PTPRD: variants seen among roughly 807,000 people sequenced by gnomAD.
The protein encoded by PTPRD is receptor-type tyrosine-protein phosphatase delta.
Under a neutral mutation model 214.5 loss-of-function variants are expected in PTPRD, and 34 were observed. The ratio of observed to expected loss-of-function variants is 0.16; its 90% CI spans 0.12 to 0.21. PTPRD has a LOEUF of 0.21. Ranked by LOEUF, PTPRD falls within the 10% of genes least tolerant of loss-of-function variation. PTPRD has a pLI of 1.00. For synonymous variants in PTPRD, 1,128 were observed against 845.7 expected (o/e 1.33, Z -5.79); for missense variants, 2,545 against 2,398.7 (o/e 1.06, Z -1.27).
chr9:10,143,918 T>C (rs1319586343), intron 3 of PTPRD, among the ~76,000 whole-genome samples: 1 of 151,828 alleles, frequency 6.6e-6, no homozygotes, highest in African/African-American at 2.4e-5. Flanking sequence ...AGGGAGGAAG[T>C]AGGGCAAGCA....
intron 14 of PTPRD, among the ~76,000 whole-genome samples, chr9:8,597,556 G>A (rs1452799364): frequency 2.0e-5 from 3 of 151,982 alleles, no homozygotes; most frequent in Non-Finnish European, 4.4e-5. Flanking sequence ...AAAATAAAAG[G>A]AAGAAGGAAA....
intron 5 of PTPRD, chr9:9,799,439 G>C (rs113460807): frequency 4.6e-5 from 7 of 152,244 alleles, no homozygotes; most frequent in African/African-American, 1.7e-4. Flanking sequence ...GGTAGAAAGG[G>C]ACTCTAAAGG....
At chr9:9,135,402 C>T (rs1036711203) in intron 10 of PTPRD, among the ~76,000 whole-genome samples, 4 of 152,280 alleles carry the variant, frequency 2.6e-5, no homozygotes, top group Admixed American at 6.5e-5. Flanking sequence ...CAGCCCAAAT[C>T]GATGTGTGTA....
chr9:9,099,772 A>G lies in PTPRD; in HGVS notation c.-142-81037T>C, dbSNP rs549712574. On this transcript the variant is annotated intron_variant, in intron 10 of 45. Transcript: ENST00000381196. ...ATGGTTTCTATGAATAGAATTAACC[A>G]GACACCAATTATCACCTCATTGAAA... Among the ~76,000 whole-genome samples, 6 of 152,308 alleles carry G rather than the reference A, an allele frequency of 3.9e-5. No individual in the cohort carries two copies. In the South Asian group the frequency reaches 6.2e-4, roughly 16 times the overall value.
At chr9:8,766,479 T>A (rs186805508) in intron 11 of PTPRD, among the ~76,000 whole-genome samples, 10 of 152,062 alleles carry the variant, frequency 6.6e-5, no homozygotes, top group Non-Finnish European at 1.0e-4. Context: ...AATAAGTGCA[T>A]TGGAAAATGA....
chr9:10,508,237 C>G (rs978554177), intron 2 of PTPRD, among the ~76,000 whole-genome samples: 1 of 152,036 alleles, frequency 6.6e-6, no homozygotes, highest in Non-Finnish European at 1.5e-5. Flanking sequence ...AAATCAAAAC[C>G]ACTATGAGAT....
chr9:8,819,186 A>G (rs2096987823), intron 11 of PTPRD, among the ~76,000 whole-genome samples: 1 of 152,210 alleles, frequency 6.6e-6, no homozygotes. Context: ...TGTCTTGAGT[A>G]TTCCATTATT....
intron 8 of PTPRD, among the ~76,000 whole-genome samples, chr9:9,561,617 G>C (rs144562470): frequency 6.8e-4 from 103 of 152,270 alleles, no homozygotes; most frequent in African/African-American, 2.4e-3. Flanking sequence ...AGTTAGAAAT[G>C]TGCAGGGAAA....
rs567375005 is a variant in PTPRD at position 10,129,146 on chromosome 9, G to C, written c.-544-95356C>G. On this transcript the variant is annotated intron_variant, in intron 3 of 45. Transcript: ENST00000381196. ...AAGCGATTGGACCTTGCTGCTTCTT[G>C]TTTGTGTATGAATTTAAAAGCCTGC... Among the ~76,000 whole-genome samples the C allele has an allele frequency of 6.6e-5, 10 of 152,144 alleles. No individual in the cohort carries two copies. The South Asian group carries it at 2.1e-3, about 32-fold the overall frequency.
intron 2 of PTPRD, among the ~76,000 whole-genome samples, chr9:10,593,699 GACA>G (rs962589353): frequency 1.3e-5 from 2 of 151,954 alleles, no homozygotes; most frequent in East Asian, 1.9e-4. Flanking sequence ...AATTTTGGCA[GACA>G]ACATTTTTTA....
chr9:8,503,698 A>G (rs185160051), intron 23 of PTPRD, among the ~76,000 whole-genome samples: 1 of 152,270 alleles, frequency 6.6e-6, no homozygotes, highest in East Asian at 1.9e-4. Flanking sequence ...TTGTTTCTTA[A>G]TTTGTCCACA....
intron 5 of PTPRD, among the ~76,000 whole-genome samples, chr9:9,924,341 T>C (rs2083530912): frequency 2.0e-5 from 3 of 152,084 alleles, no homozygotes; most frequent in Admixed American, 1.3e-4. Context: ...TTGCTTTCTC[T>C]ATTGAACAGG....
intron 2 of PTPRD, among the ~76,000 whole-genome samples, chr9:10,393,543 C>A (rs2098112279): frequency 6.6e-6 from 1 of 151,110 alleles, no homozygotes; most frequent in African/African-American, 2.4e-5. Context: ...CTAATCCCAG[C>A]ACTTTGGGAA....
At chr9:9,775,407 A>C (rs2154485329) in intron 5 of PTPRD, among the ~76,000 whole-genome samples, 1 of 152,300 alleles carries the variant, frequency 6.6e-6, no homozygotes, top group South Asian at 2.1e-4. Context: ...TCTTTGGGCA[A>C]GTTATTTAAC....
chr9:9,176,349 A>T (rs752128216), intron 10 of PTPRD, among the ~76,000 whole-genome samples: 11 of 152,220 alleles, frequency 7.2e-5, no homozygotes, highest in Non-Finnish European at 1.5e-5. Context: ...AGGAGGAGTT[A>T]GAAGTCAGTC....
At chr9:8,746,187 C>G (rs2092780861) in intron 11 of PTPRD, among the ~76,000 whole-genome samples, 1 of 151,908 alleles carries the variant, frequency 6.6e-6, no homozygotes, top group Non-Finnish European at 1.5e-5. Context: ...TCTGAATTCA[C>G]AGAGTTATAC....
chr9:9,088,406 C>T (rs1478775706), intron 10 of PTPRD, among the ~76,000 whole-genome samples: 1 of 150,716 alleles, frequency 6.6e-6, no homozygotes, highest in Admixed American at 6.6e-5. Flanking sequence ...ATGGTGAAAC[C>T]CTGTCTCTAC....
At chr9:8,806,660 G>C (rs2096688498) in intron 11 of PTPRD, among the ~76,000 whole-genome samples, 1 of 152,062 alleles carries the variant, frequency 6.6e-6, no homozygotes, top group South Asian at 2.1e-4. Flanking sequence ...TTCATACCTT[G>C]GCTGGCTTAA....
intron 6 of PTPRD, among the ~76,000 whole-genome samples, chr9:9,740,119 A>G (rs888111112): frequency 2.6e-5 from 4 of 152,126 alleles, no homozygotes; most frequent in Admixed American, 2.6e-4. Flanking sequence ...TTAAAATTAT[A>G]TTGTAAAATT....
Sources: allele counts gnomAD v4.1 joint callset (sites outside exome capture counted in the v4.1 genomes callset), GRCh38; gene constraint gnomAD v4.1.1; transcripts MANE v1.5; gene names NCBI Gene and HGNC (gene_info 2026-07-23, HGNC 2026-07-21).